Variants in NDUFS4 observed in about 807,000 individuals in gnomAD.
NDUFS4 encodes the protein NADH:ubiquinone oxidoreductase subunit S4.
NDUFS4 carries 28 observed loss-of-function variants against 24.3 expected under a neutral mutation model. The observed-to-expected ratio is 1.15, with a 90% CI of 0.85 to 1.58. NDUFS4 has a LOEUF of 1.58. Ranked by LOEUF, NDUFS4 falls within the 40% of genes most tolerant of loss-of-function variation. NDUFS4 has a pLI of 0.00. For missense variants in NDUFS4, 223 were observed against 207.9 expected (o/e 1.07, Z -0.45); for synonymous variants, 93 against 69.7 (o/e 1.34, Z -1.67).
At chr5:53,675,409 G>A (rs890579808) in intron 4 of NDUFS4, among the ~76,000 whole-genome samples, 4 of 152,008 alleles carry the variant, frequency 2.6e-5, no homozygotes, top group South Asian at 2.1e-4. Context: ...TGATCCGCCC[G>A]CCTTGGCCTC....
chr5:53,565,532 G>A (rs925474262), intron 1 of NDUFS4, among the ~76,000 whole-genome samples: 1 of 152,180 alleles, frequency 6.6e-6, no homozygotes, highest in Non-Finnish European at 1.5e-5. Flanking sequence ...TTAGAGATGA[G>A]CGATTGTGAG....
chr5:53,665,473 C>T (rs1752484400), intron 4 of NDUFS4, among the ~76,000 whole-genome samples: 1 of 152,246 alleles, frequency 6.6e-6, no homozygotes, highest in African/African-American at 2.4e-5. Context: ...CTGGGCTCCA[C>T]CCAGTTCGAG....
intron 4 of NDUFS4, among the ~76,000 whole-genome samples, chr5:53,661,580 G>A (rs1306411347): frequency 6.6e-6 from 1 of 152,082 alleles, no homozygotes; most frequent in Non-Finnish European, 1.5e-5. Context: ...GAATCTATAA[G>A]TTACCTTGGG....
At chr5:53,678,495 C>G (rs541698377) in intron 4 of NDUFS4, among the ~76,000 whole-genome samples, 1 of 152,114 alleles carries the variant, frequency 6.6e-6, no homozygotes, top group East Asian at 1.9e-4. Context: ...CTTCTTCTGT[C>G]GCACAGCTGA....
At chr5:53,654,709 C>T (rs1024739719) in intron 3 of NDUFS4, among the ~76,000 whole-genome samples, 2 of 152,060 alleles carry the variant, frequency 1.3e-5, no homozygotes, top group African/African-American at 2.4e-5. Flanking sequence ...CATTCACTTG[C>T]CGTTCTGTGC....
intron 4 of NDUFS4, among the ~76,000 whole-genome samples, chr5:53,676,057 T>C (rs1004110076): frequency 1.3e-5 from 2 of 152,150 alleles, no homozygotes; most frequent in Non-Finnish European, 2.9e-5. Context: ...ACAATAAACA[T>C]GTATTGAAGG....
At chr5:53,616,647 T>C (rs1166833304) in intron 2 of NDUFS4, among the ~76,000 whole-genome samples, 2 of 152,006 alleles carry the variant, frequency 1.3e-5, no homozygotes, top group Admixed American at 6.6e-5. Context: ...TAAAATGAGA[T>C]CAGAGATGTG....
rs544432571 is a variant in NDUFS4 at position 53,634,701 on chromosome 5, GC to G, written c.178-11530del. Among the ~76,000 whole-genome samples, 19 of 151,730 alleles carry G rather than the reference GC, an allele frequency of 1.3e-4. 1 individual carries two copies. The East Asian group carries it at 3.7e-3, about 30-fold the overall frequency. On this transcript the variant is annotated intron_variant, in intron 2 of 4. Transcript: ENST00000296684. ...TTTCCTGTGCTCAAACAGTTCATTTGCCTCAGCCTTCTAAGTAGCTGGGATT... is the reference window on the plus strand; with the variant it reads ...TTTCCTGTGCTCAAACAGTTCATTTGCTCAGCCTTCTAAGTAGCTGGGATT...
intron 1 of NDUFS4, among the ~76,000 whole-genome samples, chr5:53,580,799 CTT>C (rs576953703): frequency 2.8e-5 from 4 of 143,660 alleles, no homozygotes; most frequent in Non-Finnish European, 4.5e-5. Context: ...CTCTTTCTCT[CTT>C]TCTTTCCCTT....
chr5:53,674,338 T>G (rs188377367), intron 4 of NDUFS4, among the ~76,000 whole-genome samples: 3 of 152,172 alleles, frequency 2.0e-5, no homozygotes, highest in Non-Finnish European at 4.4e-5. Context: ...CATGAGTGTC[T>G]TATGACTTCT....
chr5:53,568,964 C>G (rs976051521), intron 1 of NDUFS4, among the ~76,000 whole-genome samples: 2 of 152,178 alleles, frequency 1.3e-5, no homozygotes, highest in African/African-American at 4.8e-5. Flanking sequence ...TATTCAGCCA[C>G]TTCACACATA....
At chr5:53,644,695 G>T (rs1423824485) in intron 2 of NDUFS4, among the ~76,000 whole-genome samples, 1 of 152,048 alleles carries the variant, frequency 6.6e-6, no homozygotes, top group Non-Finnish European at 1.5e-5. Flanking sequence ...TAAACTAGAT[G>T]TAGGGAAACT....
chr5:53,663,907 G>A (rs924154510), intron 4 of NDUFS4, among the ~76,000 whole-genome samples: 7 of 152,130 alleles, frequency 4.6e-5, no homozygotes, highest in Non-Finnish European at 1.0e-4. Flanking sequence ...CTCATTAGTT[G>A]ATGCAGTTTC....
intron 4 of NDUFS4, among the ~76,000 whole-genome samples, chr5:53,680,384 C>T (rs1172799262): frequency 6.6e-6 from 1 of 152,138 alleles, no homozygotes; most frequent in Admixed American, 6.6e-5. Flanking sequence ...TATAAAGACA[C>T]ATGCACACGT....
intron 2 of NDUFS4, among the ~76,000 whole-genome samples, chr5:53,627,282 A>G (rs1453097307): frequency 6.6e-6 from 1 of 152,072 alleles, no homozygotes; most frequent in Non-Finnish European, 1.5e-5. Flanking sequence ...TGGTTACTGT[A>G]CCCTTGTTGT....
At chr5:53,613,615 T>A (rs1750761807) in intron 2 of NDUFS4, among the ~76,000 whole-genome samples, 1 of 150,220 alleles carries the variant, frequency 6.7e-6, no homozygotes, top group South Asian at 2.1e-4. Context: ...TTTTTTTTTT[T>A]ACAATGTATT....
chr5:53,604,345 AATTTCT>A (rs1750431096), intron 2 of NDUFS4, among the ~76,000 whole-genome samples: 1 of 152,232 alleles, frequency 6.6e-6, no homozygotes, highest in African/African-American at 2.4e-5. Flanking sequence ...GTCACACTTA[AATTTCT>A]ATTTGCACCA....
intron 4 of NDUFS4, among the ~76,000 whole-genome samples, chr5:53,680,876 A>G (rs989667460): frequency 2.0e-5 from 3 of 152,090 alleles, no homozygotes; most frequent in Non-Finnish European, 4.4e-5. Flanking sequence ...AGCACTCAGC[A>G]TGGGGACTAG....
Position 53,632,875 on chromosome 5 carries a change from A to G in NDUFS4, c.178-13358A>G, listed in dbSNP as rs1751444889. Among the ~76,000 whole-genome samples, 5 of 152,194 alleles carry G rather than the reference A, an allele frequency of 3.3e-5. No homozygotes were observed. The South Asian group carries it at 1.0e-3, about 32-fold the overall frequency. ...TACACTGTGACAATTCTTTTGCAAC[A>G]GTGGCTTTGTTAATGAATCTTTACT... On this transcript the variant is annotated intron_variant, in intron 2 of 4. Transcript: ENST00000296684.
Sources: gnomAD v4.1 joint callset for allele counts (sites outside exome capture counted in the v4.1 genomes callset) on GRCh38, gnomAD v4.1.1 for gene constraint, MANE v1.5 for transcripts, NCBI Gene and HGNC (gene_info 2026-07-23, HGNC 2026-07-21) for gene names.